Variants in NRXN3 observed in about 807,000 individuals in gnomAD.
The protein encoded by NRXN3 is neurexin 3.
A neutral mutation model predicts 137.6 loss-of-function variants in NRXN3; 32 were observed. The ratio of observed to expected loss-of-function variants is 0.23; its 90% CI spans 0.18 to 0.31. The LOEUF (loss-of-function observed/expected upper bound fraction) is 0.31. NRXN3 is among the 10% of genes least tolerant of loss of function. The pLI is 1.00. For missense variants in NRXN3, 1,574 were observed against 2,062.5 expected, an observed-to-expected ratio of 0.76 and a Z score of 4.59; for synonymous variants, 798 against 784.5, an observed-to-expected ratio of 1.02 and a Z score of -0.29.
intron 20 of NRXN3, among the ~76,000 whole-genome samples, chr14:79,834,086 A>G (rs2141301868): frequency 6.6e-6 from 1 of 152,298 alleles, no homozygotes; most frequent in Middle Eastern, 3.4e-3. Flanking sequence ...TTAAAGTCCC[A>G]TTGTATGAAA....
chr14:79,617,022 C>T (rs2098164437), intron 16 of NRXN3, among the ~76,000 whole-genome samples: 1 of 151,964 alleles, frequency 6.6e-6, no homozygotes, highest in African/African-American at 2.4e-5. Flanking sequence ...ATAGTCAATC[C>T]TTGGAAGGGA....
intron 15 of NRXN3, among the ~76,000 whole-genome samples, chr14:79,263,430 G>T (rs1299628954): frequency 6.6e-6 from 1 of 152,154 alleles, no homozygotes; most frequent in Non-Finnish European, 1.5e-5. Flanking sequence ...ACATGTTTTG[G>T]TACTTTGGTA....
chr14:78,888,602 T>C (rs2099150168), intron 10 of NRXN3, among the ~76,000 whole-genome samples: 1 of 152,048 alleles, frequency 6.6e-6, no homozygotes, highest in Admixed American at 6.6e-5. Flanking sequence ...TATTCCCTGG[T>C]TCGTTCCTCA....
intron 15 of NRXN3, among the ~76,000 whole-genome samples, chr14:79,433,278 T>G (rs910654082): frequency 6.6e-6 from 1 of 152,162 alleles, no homozygotes; most frequent in Admixed American, 6.6e-5. Context: ...TGTTACAGAC[T>G]TGGGAAATCC....
At chr14:79,103,499 G>A (rs1426768659) in intron 15 of NRXN3, among the ~76,000 whole-genome samples, 3 of 152,232 alleles carry the variant, frequency 2.0e-5, no homozygotes, top group East Asian at 3.9e-4. Context: ...TAAGCGCCTG[G>A]TAGAAGATGT....
At chr14:78,524,626 T>G (rs1474994976) in intron 4 of NRXN3, among the ~76,000 whole-genome samples, 1 of 152,164 alleles carries the variant, frequency 6.6e-6, no homozygotes, top group East Asian at 1.9e-4. Context: ...CCTTTGGGGA[T>G]CTCTTTATCT....
At chr14:78,656,180 T>C (rs966814079) in intron 6 of NRXN3, among the ~76,000 whole-genome samples, 23 of 152,284 alleles carry the variant, frequency 1.5e-4, no homozygotes, top group African/African-American at 4.3e-4. Flanking sequence ...TCAAACATGT[T>C]TCCTGCTTTA....
At chr14:79,636,392 T>C (rs1401256005) in intron 16 of NRXN3, among the ~76,000 whole-genome samples, 1 of 152,150 alleles carries the variant, frequency 6.6e-6, no homozygotes, top group Non-Finnish European at 1.5e-5. Context: ...AGTTCTTTTG[T>C]TTTTTGTTTT....
intron 16 of NRXN3, among the ~76,000 whole-genome samples, chr14:79,569,661 G>A (rs2097580998): frequency 1.3e-5 from 2 of 151,808 alleles, no homozygotes; most frequent in South Asian, 4.2e-4. Flanking sequence ...CAGAGAGACA[G>A]AGAGAGGCAT....
At chr14:79,478,986 G>A (rs527570212) in intron 16 of NRXN3, among the ~76,000 whole-genome samples, 3 of 152,074 alleles carry the variant, frequency 2.0e-5, no homozygotes, top group South Asian at 2.1e-4. Context: ...AGGGCAATTC[G>A]GATTTAAATC....
intron 4 of NRXN3, among the ~76,000 whole-genome samples, chr14:78,475,694 TAAG>T (rs2095366465): frequency 6.6e-6 from 1 of 152,130 alleles, no homozygotes; most frequent in Non-Finnish European, 1.5e-5. Flanking sequence ...TACAATCAGC[TAAG>T]AACACCTGGG....
chr14:79,328,298 T>A (rs183475894), intron 15 of NRXN3, among the ~76,000 whole-genome samples: 2 of 152,190 alleles, frequency 1.3e-5, no homozygotes, highest in Non-Finnish European at 2.9e-5. Flanking sequence ...TAAAAGGCTG[T>A]TAAGGAGGAG....
intron 9 of NRXN3, among the ~76,000 whole-genome samples, chr14:78,809,828 T>G (rs1209110014): frequency 1.3e-5 from 2 of 151,018 alleles, no homozygotes; most frequent in Non-Finnish European, 2.9e-5. Flanking sequence ...ACTGGTGATA[T>G]GTCTTTGGAA....
intron 8 of NRXN3, among the ~76,000 whole-genome samples, chr14:78,727,255 C>CCAGTACTTCA (rs900683016): frequency 6.6e-6 from 1 of 152,162 alleles, no homozygotes; most frequent in African/African-American, 2.4e-5. Flanking sequence ...ATGATGGCTT[C>CCAGTACTTCA]CAGTACTTCA....
intron 15 of NRXN3, among the ~76,000 whole-genome samples, chr14:79,051,884 C>A (rs1004784880): frequency 3.3e-5 from 5 of 152,192 alleles, no homozygotes; most frequent in African/African-American, 4.8e-5. Flanking sequence ...TCTTTTCCAT[C>A]TCCCCTGGCT....
intron 4 of NRXN3, among the ~76,000 whole-genome samples, chr14:78,629,495 T>C (rs1437707424): frequency 1.3e-5 from 2 of 152,186 alleles, no homozygotes; most frequent in Non-Finnish European, 2.9e-5. Context: ...GACAGATCTT[T>C]TCTGCCAAAC....
intron 4 of NRXN3, among the ~76,000 whole-genome samples, chr14:78,302,998 G>A (rs143466133): frequency 3.9e-5 from 6 of 152,116 alleles, no homozygotes; most frequent in African/African-American, 1.4e-4. Context: ...TAAACTCTGC[G>A]GCCCACAAAT....
intron 15 of NRXN3, among the ~76,000 whole-genome samples, chr14:79,323,725 G>A (rs1017132340): frequency 1.3e-4 from 20 of 152,098 alleles, no homozygotes; most frequent in African/African-American, 2.7e-4. Context: ...CGGGCGTGGC[G>A]GTGTGCGCCT....
At chr14:78,992,136 A>G (rs1055097432) in intron 15 of NRXN3, among the ~76,000 whole-genome samples, 2 of 152,202 alleles carry the variant, frequency 1.3e-5, no homozygotes, top group Non-Finnish European at 2.9e-5. Flanking sequence ...ACCTTCCACA[A>G]TGTTATGTAA....
Sources: allele counts gnomAD v4.1 joint callset (sites outside exome capture counted in the v4.1 genomes callset), GRCh38; gene constraint gnomAD v4.1.1; transcripts MANE v1.5; gene names NCBI Gene and HGNC (gene_info 2026-07-23, HGNC 2026-07-21).